The following CACNA1B variants were observed in gnomAD, a reference collection of about 807,000 sequenced individuals.
CACNA1B encodes the protein calcium voltage-gated channel subunit alpha1 B, also known as voltage-dependent N-type calcium channel subunit alpha-1B.
A neutral mutation model predicts 247.2 loss-of-function variants in CACNA1B; 70 were observed. That is an observed-to-expected ratio of 0.28 (90% CI 0.23 to 0.35). CACNA1B has a LOEUF of 0.35. Among genes scored for constraint, CACNA1B ranks in the 10% least tolerant of loss-of-function variants. The pLI is 1.00. For synonymous variants in CACNA1B, 1,231 were observed against 1,294.4 expected (o/e 0.95, Z 1.05); for missense variants, 2,367 against 3,197.4 (o/e 0.74, Z 6.26).
intron 3 of CACNA1B, among the ~76,000 whole-genome samples, chr9:137,898,463 C>T (rs1180701445): frequency 6.6e-6 from 1 of 151,992 alleles, no homozygotes; most frequent in Non-Finnish European, 1.5e-5. Flanking sequence ...ATTATGGTTC[C>T]ATAGTTCCTT....
intron 3 of CACNA1B, among the ~76,000 whole-genome samples, chr9:137,902,806 C>T (rs1021017173): frequency 1.2e-4 from 18 of 152,158 alleles, no homozygotes; most frequent in African/African-American, 3.1e-4. Context: ...GCAGCTGTGC[C>T]GGCTGGTACA....
rs926852245 is a variant in CACNA1B, at chr9:138,050,806, G to C, written c.3711-1286G>C. Among the ~76,000 whole-genome samples, 2 of 152,148 alleles carry C rather than the reference G, an allele frequency of 1.3e-5. No homozygotes were observed. The highest frequency in any genetic ancestry group is 2.9e-5 in the Non-Finnish European group (2 of 68,020). ...TTGAGAGTGGGTGTCGGGAGCACTG[G>C]GGTGATGGAGACAGGAGGCTGGGTT... On this transcript the variant is annotated intron_variant, in intron 24 of 46. Transcript: ENST00000371372. The surrounding 1 kb of genome is among the most constrained non-coding windows in gnomAD (Gnocchi z 5.2).
chr9:138,008,701 G>A (rs977498608), intron 16 of CACNA1B, among the ~76,000 whole-genome samples: 3 of 152,210 alleles, frequency 2.0e-5, no homozygotes, highest in African/African-American at 2.4e-5. Flanking sequence ...GGGGTGAGTC[G>A]CAGGCCTGTG....
intron 36 of CACNA1B, among the ~76,000 whole-genome samples, chr9:138,091,156 A>G (rs1400032157): frequency 6.6e-6 from 1 of 152,192 alleles, no homozygotes; most frequent in East Asian, 1.9e-4. Flanking sequence ...CCACACATGA[A>G]TGGATTTTTA....
At chr9:137,992,851 G>A (rs1958448927) in intron 15 of CACNA1B, among the ~76,000 whole-genome samples, 2 of 151,752 alleles carry the variant, frequency 1.3e-5, no homozygotes, top group South Asian at 2.1e-4. Flanking sequence ...GACGATAGTG[G>A]AATAAAATTG....
In CACNA1B at chr9:137,939,358, C is replaced by T. The variant is rs138172807; in HGVS notation, c.967-12916C>T. On this transcript the variant is annotated intron_variant, in intron 6 of 46. Transcript: ENST00000371372. ...AAATTTAAGAAAATTGAAATTATAT[C>T]GGGCACCTTCTGAGACCACAGTGGA... Among the ~76,000 whole-genome samples the T allele has an allele frequency of 9.7e-4, 148 of 152,194 alleles. 2 individuals carry two copies. In the East Asian group the frequency reaches 0.025, roughly 26 times the overall value.
intron 3 of CACNA1B, among the ~76,000 whole-genome samples, chr9:137,904,795 T>A (rs1957279412): frequency 6.6e-6 from 1 of 152,130 alleles, no homozygotes; most frequent in African/African-American, 2.4e-5. Context: ...CTGTCTGCCA[T>A]CGGTGATCAT....
chr9:137,905,368 A>C (rs1957287250), intron 3 of CACNA1B, among the ~76,000 whole-genome samples: 1 of 151,960 alleles, frequency 6.6e-6, no homozygotes, highest in East Asian at 1.9e-4. Flanking sequence ...AAAAAAAAAA[A>C]CTTTTAGATT....
At chr9:137,981,902 C>T (rs903480273) in intron 12 of CACNA1B, among the ~76,000 whole-genome samples, 8 of 152,202 alleles carry the variant, frequency 5.3e-5, no homozygotes, top group African/African-American at 1.9e-4. Context: ...CCCTGATGTG[C>T]AGCATGCTTA....
rs1366129648 is a variant in CACNA1B at position 138,053,795 on chromosome 9, C to T, written c.3808-51C>T. The T allele has an allele frequency of 4.1e-6, 6 of 1,473,038 alleles. No individual in the cohort carries two copies. In the East Asian group the frequency reaches 6.9e-5, roughly 17 times the overall value. 91.2% of individuals were successfully genotyped at this position (1,473,038 alleles called of 1,614,324 possible). A position where few individuals can be genotyped will look rare whatever the true frequency, so the allele number is the denominator to read the frequency against. On this transcript the variant is annotated intron_variant, in intron 25 of 46. Coordinates refer to ENST00000371372, the MANE Select transcript of CACNA1B (RefSeq NM_000718.4). ...TACCCTTCCCCCTCATGGCCCCACT[C>T]TCCCACCATGATTCCACCCCCTCAT... is the stretch of plus-strand genomic sequence containing the variant.
chr9:138,017,143 G>C (rs771024086), intron 18 of CACNA1B: 1 of 518,928 alleles, frequency 1.9e-6, no homozygotes, highest in Non-Finnish European at 3.8e-6. Flanking sequence ...GTGCAGTTTT[G>C]TAAAGCAAGC....
intron 23 of CACNA1B, 121 bp from the exon 24 acceptor site, chr9:138,049,088 T>C: frequency 1.4e-6 from 1 of 719,904 alleles, no homozygotes; most frequent in South Asian, 1.5e-5. Context: ...CTCCCGGGCT[T>C]AAGCAGTCTG....
chr9:137,973,554 C>T lies in CACNA1B; in HGVS notation c.1543+1962C>T, dbSNP rs1238447370. Reference sequence around the variant, plus strand: ...CCCCTGGGGGGCCTTATGCAGCTCACCAGACTTGCTCACCCTCCCTCTGCT... The same window carrying T: ...CCCCTGGGGGGCCTTATGCAGCTCATCAGACTTGCTCACCCTCCCTCTGCT... On this transcript the variant is annotated intron_variant, in intron 11 of 46. Coordinates refer to ENST00000371372, the MANE Select transcript of CACNA1B (RefSeq NM_000718.4). The surrounding 1 kb of genome is among the most constrained non-coding windows in gnomAD (Gnocchi z 4.1). Among the ~76,000 whole-genome samples the T allele has an allele frequency of 1.3e-5, 2 of 152,186 alleles. No individual in the cohort carries two copies. The highest frequency in any genetic ancestry group is 4.8e-5 in the African/African-American group (2 of 41,442).
At position 138,010,952 on chromosome 9, in the gene CACNA1B, G is replaced by A. The variant is rs1311518050; in HGVS notation, c.2160+875G>A. On this transcript the variant is annotated intron_variant, in intron 17 of 46. Transcript: ENST00000371372. The surrounding 1 kb of genome is among the most constrained non-coding windows in gnomAD (Gnocchi z 5.3). ...CTCCAAGAGTGAGTGCTGTGCAGGTGCCCCTGCTCCCCCCAGCCGAGCTCT... is the reference window on the plus strand; with the variant it reads ...CTCCAAGAGTGAGTGCTGTGCAGGTACCCCTGCTCCCCCCAGCCGAGCTCT... Among the ~76,000 whole-genome samples, 3 of 152,190 alleles carry A rather than the reference G, an allele frequency of 2.0e-5. No individual in the cohort carries two copies. The highest frequency in any genetic ancestry group is 2.9e-5 in the Non-Finnish European group (2 of 68,022).
intron 12 of CACNA1B, among the ~76,000 whole-genome samples, chr9:137,981,095 G>C (rs758009551): frequency 2.6e-5 from 4 of 152,132 alleles, no homozygotes; most frequent in African/African-American, 9.7e-5. Context: ...ACAGTGACTG[G>C]ACTAATTTAC....
rs910036137 is a variant in CACNA1B, at chr9:137,952,603, G to T, written c.1070+226G>T. 6.6e-6 allele frequency among the ~76,000 whole-genome samples: 1 copy of T among 152,062 alleles called. No homozygotes were observed. The highest frequency in any genetic ancestry group is 2.4e-5 in the African/African-American group (1 of 41,390). ...TCCCTGTCATACCCCTGGCCTTTCC[G>T]TGGTCTCTGCCATGGGAGAGTAGCT... is the stretch of plus-strand genomic sequence containing the variant. On this transcript the variant is annotated intron_variant, in intron 7 of 46. Transcript: ENST00000371372. The surrounding 1 kb of genome is among the most constrained non-coding windows in gnomAD (Gnocchi z 4.8).
At position 137,914,620 on chromosome 9, in the gene CACNA1B, C is replaced by A. The variant is rs201072373; in HGVS notation, c.623-34C>A. 1 of 1,602,014 alleles carries A rather than the reference C, an allele frequency of 6.2e-7. No homozygotes were observed. The highest frequency in any genetic ancestry group is 2.2e-5 in the East Asian group (1 of 44,806). ...CAAATTCCTTGCCCTACCCTGCCCACGTTGCTTCCTGACCTGCCCTGTTCT... is the reference window on the plus strand; with the variant it reads ...CAAATTCCTTGCCCTACCCTGCCCAAGTTGCTTCCTGACCTGCCCTGTTCT... On this transcript the variant is annotated intron_variant, in intron 4 of 46. Transcript: ENST00000371372. The surrounding 1 kb of genome is among the most constrained non-coding windows in gnomAD (Gnocchi z 4.3).
In CACNA1B at chr9:138,059,171, C is replaced by G; in HGVS notation, c.4566C>G (p.Ile1522Met). 6.2e-7 allele frequency: 1 copy of G among 1,608,754 alleles called. No individual in the cohort carries two copies. Among genetic ancestry groups the G allele is most frequent in the Non-Finnish European group, 8.5e-7 (1 of 1,175,266 alleles). ...TCTCCATGGAATGCGTGCTGAAGAT[C>G]ATCGCCTTTGGGGTGCTGGTACGTG... ...SMFSMECVLK[I>M]IAFGVLNYFR... The change falls in exon 30 of 47, where the codon ATC (isoleucine) becomes ATG (methionine). Residue 1522 changes from isoleucine to methionine, a missense_variant. Physicochemically the swap from Ile to Met is conservative, Grantham distance 10 (BLOSUM62 1). Coordinates refer to ENST00000371372, the MANE Select transcript of CACNA1B (RefSeq NM_000718.4). The surrounding 1 kb of genome is among the most constrained non-coding windows in gnomAD (Gnocchi z 4.2).
chr9:137,899,233 C>T lies in CACNA1B; in HGVS notation c.531-13947C>T, dbSNP rs144618576. 9.9e-5 allele frequency among the ~76,000 whole-genome samples: 15 copies of T among 151,930 alleles called. No individual in the cohort carries two copies. The highest frequency in any genetic ancestry group is 9.7e-4 in the East Asian group (5 of 5,160). ...TTCTTGGGTAGCGGGATTACAGGCG[C>T]GCTCCACCATGCCAGGCTAATTTTT... is the stretch of plus-strand genomic sequence containing the variant. On this transcript the variant is annotated intron_variant, in intron 3 of 46. Transcript: ENST00000371372. The surrounding 1 kb of genome is among the most constrained non-coding windows in gnomAD (Gnocchi z 5.0).
Sources: allele counts gnomAD v4.1 joint callset (sites outside exome capture counted in the v4.1 genomes callset), GRCh38; gene constraint gnomAD v4.1.1; non-coding constraint Gnocchi (gnomAD v3.1); transcripts MANE v1.5; gene names NCBI Gene and HGNC (gene_info 2026-07-23, HGNC 2026-07-21).